The following KDELR2 variants were observed in gnomAD, a reference collection of about 807,000 sequenced individuals.
KDELR2 encodes ER lumen protein-retaining receptor 2.
In KDELR2, 15 loss-of-function variants were observed where a neutral mutation model predicts 23.9. The observed-to-expected ratio is 0.63, with a 90% confidence interval of 0.42 to 0.97. The LOEUF (loss-of-function observed/expected upper bound fraction) is 0.97, where lower values mean the gene tolerates loss of function less well. Among genes scored for constraint, KDELR2 ranks in the 50% least tolerant of loss-of-function variants. The pLI, the probability that KDELR2 is intolerant of heterozygous loss-of-function variation, is 0.00. For missense variants in KDELR2, 272 were observed against 254.6 expected (o/e 1.07, Z -0.46); for synonymous variants, 119 against 106.2 (o/e 1.12, Z -0.74).
intron 3 of KDELR2, among the ~76,000 whole-genome samples, chr7:6,468,420 C>G (rs12702512): frequency 0.37 from 55,711 of 152,070 alleles, 11,363 homozygotes; most frequent in Middle Eastern, 0.47. Context: ...ACTTCCGCCT[C>G]CAGGTTTAAG....
chr7:6,472,782 G>T (rs1194862481), intron 2 of KDELR2, among the ~76,000 whole-genome samples: 1 of 152,036 alleles, frequency 6.6e-6, no homozygotes, highest in African/African-American at 2.4e-5. Context: ...CCTTGGGTAT[G>T]CTAATAACCA....
intron 2 of KDELR2, 78 bp from the exon 3 acceptor site, chr7:6,469,832 T>C (rs1785589029): frequency 3.1e-6 from 4 of 1,287,302 alleles, no homozygotes; most frequent in Non-Finnish European, 1.1e-6. Context: ...TAATCACCCA[T>C]GTATTTGGAA....
chr7:6,475,516 C>T (rs1785733252), intron 1 of KDELR2, among the ~76,000 whole-genome samples: 1 of 152,114 alleles, frequency 6.6e-6, no homozygotes, highest in South Asian at 2.1e-4. Context: ...GGTATGAACC[C>T]ACAACTACAG....
chr7:6,477,608 A>G (rs1033257423), intron 1 of KDELR2, among the ~76,000 whole-genome samples: 5 of 152,270 alleles, frequency 3.3e-5, no homozygotes, highest in Non-Finnish European at 5.9e-5. Flanking sequence ...GAAATCAGTC[A>G]TTAAACAACA....
chr7:6,462,850 C>T lies in KDELR2; in HGVS notation c.*291G>A. Reference sequence around the variant, plus strand: ...TTGCACTTATTCCTCACAAAATCTTCACTTTTGGAACTATCCCAATTGAAG... The same window carrying T: ...TTGCACTTATTCCTCACAAAATCTTTACTTTTGGAACTATCCCAATTGAAG... On this transcript the variant is annotated 3_prime_UTR_variant, in exon 5 of 5. Coordinates refer to ENST00000258739, the MANE Select transcript of KDELR2 (RefSeq NM_006854.4). 1 of 884,558 alleles carries T rather than the reference C, an allele frequency of 1.1e-6. No individual in the cohort carries two copies. The highest frequency in any genetic ancestry group is 1.6e-6 in the Non-Finnish European group (1 of 616,522). 54.8% of individuals were successfully genotyped at this position (884,558 alleles called of 1,614,324 possible).
At chr7:6,471,109 T>G (rs1785625098) in intron 2 of KDELR2, among the ~76,000 whole-genome samples, 1 of 95,656 alleles carries the variant, frequency 1.0e-5, no homozygotes. Flanking sequence ...AGACTGACTC[T>G]GTCTCAAAAA....
At position 6,461,633 on chromosome 7, in the gene KDELR2, C is replaced by T. The variant is rs532048707; in HGVS notation, c.*1508G>A. The T allele has an allele frequency of 2.0e-5, 3 of 151,472 alleles. No individual in the cohort carries two copies. The East Asian group carries it at 5.8e-4, about 29-fold the overall frequency. The allele number at this position is 151,472 out of a possible 1,614,324, so 9.4% of individuals were successfully genotyped here. On this transcript the variant is annotated 3_prime_UTR_variant, in exon 5 of 5. Coordinates refer to ENST00000258739, the MANE Select transcript of KDELR2 (RefSeq NM_006854.4). The stretch of plus-strand genomic sequence containing the variant: ...GACAGGAAGTTAAACTATGCAGTTA[C>T]ACTGCCGATTTAGAAAGATGTTAAG...
chr7:6,481,221 T>C (rs1227379555), intron 1 of KDELR2, among the ~76,000 whole-genome samples: 1 of 151,668 alleles, frequency 6.6e-6, no homozygotes, highest in Non-Finnish European at 1.5e-5. Flanking sequence ...ATACAAAAAT[T>C]AGCCGAGCGT....
In KDELR2 at chr7:6,474,192, A is replaced by C; in HGVS notation, c.184T>G (p.Ser62Ala). 2 of 1,594,246 alleles carry C rather than the reference A, an allele frequency of 1.3e-6. No individual in the cohort carries two copies. The highest frequency in any genetic ancestry group is 1.7e-6 in the Non-Finnish European group (2 of 1,161,822). ...FTSFISLYNT[S>A]MKVIYLACSY... ...TGGATGGCATACCATACCTTCATAG[A>C]TGTGTTATACAATGAAATAAATGAA... The change falls in exon 2 of 5, where the codon TCT becomes GCT. Residue 62 changes from serine (S) to alanine (A), a missense_variant. By Grantham distance (99) the Ser-to-Ala change is moderately conservative. Coordinates refer to ENST00000258739, the MANE Select transcript of KDELR2 (RefSeq NM_006854.4).
At chr7:6,481,748 C>A (rs1264422311) in intron 1 of KDELR2, among the ~76,000 whole-genome samples, 1 of 151,824 alleles carries the variant, frequency 6.6e-6, no homozygotes, top group Non-Finnish European at 1.5e-5. Context: ...AACAAACAAA[C>A]AAACAAAAAA....
At chr7:6,465,618 A>C (rs1785488322) in intron 4 of KDELR2, among the ~76,000 whole-genome samples, 1 of 152,212 alleles carries the variant, frequency 6.6e-6, no homozygotes, top group Non-Finnish European at 1.5e-5. Flanking sequence ...TTAACAGCAA[A>C]CCAGTAACGG....
chr7:6,472,311 T>A (rs1375758149), intron 2 of KDELR2, among the ~76,000 whole-genome samples: 1 of 152,166 alleles, frequency 6.6e-6, no homozygotes, highest in Non-Finnish European at 1.5e-5. Flanking sequence ...CACTAAGGCC[T>A]TAGCAGCACC....
intron 3 of KDELR2, among the ~76,000 whole-genome samples, chr7:6,468,976 G>A (rs1307492498): frequency 1.3e-5 from 2 of 150,814 alleles, no homozygotes; most frequent in African/African-American, 4.9e-5. Flanking sequence ...TTGAGAGACG[G>A]AGTCTTACTC....
intron 2 of KDELR2, among the ~76,000 whole-genome samples, chr7:6,472,208 G>C (rs1450848967): frequency 6.6e-6 from 1 of 152,178 alleles, no homozygotes; most frequent in South Asian, 2.1e-4. Flanking sequence ...CCCCCTCAGC[G>C]CATCTAGCCA....
Position 6,462,764 on chromosome 7 carries a change from AT to A in KDELR2, c.*376del. 1 of 489,132 alleles carries A rather than the reference AT, an allele frequency of 2.0e-6. No homozygotes were observed. Among genetic ancestry groups the A allele is most frequent in the Non-Finnish European group, 3.6e-6 (1 of 280,082 alleles). The allele number at this position is 489,132 out of a possible 1,614,324, so 30.3% of individuals were successfully genotyped here. Reference sequence around the variant, plus strand: ...AATCTATCAACTGTCAAGGAGTACAATTTCATTGCAGACACAAAGACTTAAG... The same window carrying A: ...AATCTATCAACTGTCAAGGAGTACAATTCATTGCAGACACAAAGACTTAAG... On this transcript the variant is annotated 3_prime_UTR_variant, in exon 5 of 5. Transcript: ENST00000258739.
chr7:6,461,540 A>G lies in KDELR2; in HGVS notation c.*1601T>C, dbSNP rs1287228003. The stretch of plus-strand genomic sequence containing the variant: ...CTGAAGCAAGACTAGGATGCTGCAA[A>G]GAAAGATGCTCTGATACACAAAAGC... On this transcript the variant is annotated 3_prime_UTR_variant, in exon 5 of 5. Transcript: ENST00000258739. 6.6e-6 allele frequency: 1 copy of G among 151,978 alleles called. No individual in the cohort carries two copies. The highest frequency in any genetic ancestry group is 1.5e-5 in the Non-Finnish European group (1 of 68,022). 9.4% of individuals were successfully genotyped at this position (151,978 alleles called of 1,614,324 possible). A position where few individuals can be genotyped will look rare whatever the true frequency, so the allele number is the denominator to read the frequency against.
At chr7:6,466,879 G>C (rs1014495635) in intron 3 of KDELR2, among the ~76,000 whole-genome samples, 6 of 152,040 alleles carry the variant, frequency 3.9e-5, no homozygotes, top group Non-Finnish European at 7.4e-5. Context: ...GAGTGATGGG[G>C]AGCAGCTATA....
intron 3 of KDELR2, among the ~76,000 whole-genome samples, chr7:6,468,745 C>T (rs2881722): frequency 0.88 from 134,067 of 152,002 alleles, 59,587 homozygotes; most frequent in Non-Finnish European, 0.92. Flanking sequence ...ACTTCGTGTC[C>T]CACCTGCCTC....
At chr7:6,483,661 AC>A (rs961910328) in intron 1 of KDELR2, among the ~76,000 whole-genome samples, 4 of 152,056 alleles carry the variant, frequency 2.6e-5, no homozygotes, top group East Asian at 1.9e-4. Flanking sequence ...CGCCTGTCGG[AC>A]CCCCCGTCCC....
Sources: gnomAD v4.1 joint callset for allele counts (sites outside exome capture counted in the v4.1 genomes callset) on GRCh38, gnomAD v4.1.1 for gene constraint, MANE v1.5 for transcripts, NCBI Gene and HGNC (gene_info 2026-07-23, HGNC 2026-07-21) for gene names.